The following LDLRAD4 variants were observed in gnomAD, a reference collection of about 807,000 sequenced individuals.
LDLRAD4 encodes low density lipoprotein receptor class A domain containing 4.
In LDLRAD4, 5 loss-of-function variants were observed where a neutral mutation model predicts 17.0. That is an observed-to-expected ratio of 0.29 (90% CI 0.15 to 0.62). The LOEUF is 0.62. LDLRAD4 is among the 20% of genes least tolerant of loss of function. The pLI is 0.84. For synonymous variants in LDLRAD4, 168 were observed against 171.8 expected (o/e 0.98, Z 0.17); for missense variants, 340 against 424.7 (o/e 0.80, Z 1.75).
At chr18:13,307,078 C>T (rs192056267) in intron 1 of LDLRAD4, among the ~76,000 whole-genome samples, 1 of 152,274 alleles carries the variant, frequency 6.6e-6, no homozygotes, top group East Asian at 1.9e-4. Context: ...GACATGAATC[C>T]GTCTATGAAG....
chr18:13,546,339 A>G (rs1408894691), intron 3 of LDLRAD4, among the ~76,000 whole-genome samples: 2 of 152,174 alleles, frequency 1.3e-5, no homozygotes, highest in East Asian at 3.9e-4. Context: ...GTGGCTCAAC[A>G]ATAAAAGATT....
intron 1 of LDLRAD4, among the ~76,000 whole-genome samples, chr18:13,247,047 C>T (rs1598882331): frequency 6.6e-6 from 1 of 151,968 alleles, no homozygotes; most frequent in African/African-American, 2.4e-5. Flanking sequence ...CTCTAGACCT[C>T]TACCTGTCAT....
At chr18:13,628,047 G>A (rs2041329226) in intron 4 of LDLRAD4, among the ~76,000 whole-genome samples, 1 of 152,212 alleles carries the variant, frequency 6.6e-6, no homozygotes, top group Non-Finnish European at 1.5e-5. Flanking sequence ...AAACCCACAG[G>A]CAGTGTCCTG....
intron 2 of LDLRAD4, chr18:13,420,420 G>A (rs1490445569): frequency 1.3e-5 from 2 of 152,132 alleles, no homozygotes; most frequent in Non-Finnish European, 2.9e-5. Flanking sequence ...AAATAACATC[G>A]CCACCAATAA....
chr18:13,283,869 G>C (rs2045441790), intron 1 of LDLRAD4, among the ~76,000 whole-genome samples: 1 of 152,184 alleles, frequency 6.6e-6, no homozygotes. Context: ...GGCTGGGGAG[G>C]CCTCAGAATC....
intron 2 of LDLRAD4, among the ~76,000 whole-genome samples, chr18:13,413,726 T>C (rs1156666313): frequency 6.6e-6 from 1 of 152,164 alleles, no homozygotes; most frequent in East Asian, 1.9e-4. Flanking sequence ...TGATTTGCAT[T>C]CTTTAGTAAG....
At chr18:13,287,130 C>T (rs1369275234) in intron 1 of LDLRAD4, among the ~76,000 whole-genome samples, 1 of 151,896 alleles carries the variant, frequency 6.6e-6, no homozygotes, top group African/African-American at 2.4e-5. Context: ...TGGTGTCACC[C>T]GCAACAGCAC....
intron 5 of LDLRAD4, 35 bp downstream of exon 6, chr18:13,643,447 C>CGGGG (rs71174176): frequency 1.3e-4 from 21 of 165,686 alleles, no homozygotes; most frequent in South Asian, 8.6e-4. Flanking sequence ...CTGCGGGGGG[C>CGGGG]GGGGGGGGTG....
chr18:13,486,912 T>G (rs1600739483), intron 3 of LDLRAD4: 1 of 152,240 alleles, frequency 6.6e-6, no homozygotes, highest in Non-Finnish European at 1.5e-5. Flanking sequence ...CCATTTCCAC[T>G]CCCGCTGGCA....
chr18:13,479,163 C>T (rs573182309), intron 3 of LDLRAD4, among the ~76,000 whole-genome samples: 31 of 152,226 alleles, frequency 2.0e-4, no homozygotes, highest in African/African-American at 7.2e-4. Flanking sequence ...AGACATAAAA[C>T]TTAAAACTCC....
At chr18:13,253,368 A>G (rs1005086086) in intron 1 of LDLRAD4, among the ~76,000 whole-genome samples, 2 of 152,054 alleles carry the variant, frequency 1.3e-5, no homozygotes, top group African/African-American at 4.8e-5. Flanking sequence ...GGTGTTGCTC[A>G]CTCTTTTTTA....
At position 13,644,895 on chromosome 18, in the gene LDLRAD4, A is replaced by T. The variant is rs1007052166; in HGVS notation, c.391-232A>T. On this transcript the variant is annotated intron_variant, in intron 5 of 5. Transcript: ENST00000359446. Reference sequence around the variant, plus strand: ...CATTACCCACAGCTCTCCATTGCTCAGCCCTCCTGGATGCGCTGGGATTTG... The same window carrying T: ...CATTACCCACAGCTCTCCATTGCTCTGCCCTCCTGGATGCGCTGGGATTTG... The T allele has an allele frequency of 7.5e-6, 4 of 533,760 alleles. No homozygotes were observed. In the African/African-American group the frequency reaches 7.7e-5, roughly 10 times the overall value. The allele number at this position is 533,760 out of a possible 1,614,324, so 33.1% of individuals were successfully genotyped here.
chr18:13,388,799 G>C (rs1051275723), intron 2 of LDLRAD4, among the ~76,000 whole-genome samples: 8 of 152,236 alleles, frequency 5.3e-5, no homozygotes, highest in African/African-American at 1.9e-4. Context: ...AGAACGAGGG[G>C]ACGGGTCTTC....
chr18:13,277,854 G>A (rs1261091859), upstream of LDLRAD4, among the ~76,000 whole-genome samples: 1 of 152,222 alleles, frequency 6.6e-6, no homozygotes, highest in Non-Finnish European at 1.5e-5. Flanking sequence ...TAACAGATGA[G>A]GACTCGGTGC....
At chr18:13,292,569 A>G (rs1490611344) in intron 1 of LDLRAD4, among the ~76,000 whole-genome samples, 3 of 152,204 alleles carry the variant, frequency 2.0e-5, no homozygotes, top group Non-Finnish European at 2.9e-5. Flanking sequence ...TCTCAGGCCC[A>G]GTTCTGTCAT....
intron 1 of LDLRAD4, among the ~76,000 whole-genome samples, chr18:13,385,075 T>C (rs2085693887): frequency 6.6e-6 from 1 of 152,240 alleles, no homozygotes; most frequent in South Asian, 2.1e-4. Context: ...TTTTCCGAAA[T>C]GGCTGTACCA....
chr18:13,241,648 T>TC (rs1334547909), intron 1 of LDLRAD4: 2 of 152,254 alleles, frequency 1.3e-5, no homozygotes, highest in South Asian at 2.1e-4. Flanking sequence ...TTCCAGCTCC[T>TC]CCTCCTGACT....
chr18:13,429,600 T>G lies in LDLRAD4; in HGVS notation c.41-8644T>G, dbSNP rs76270191. Among the ~76,000 whole-genome samples the G allele has an allele frequency of 3.0e-3, 461 of 152,362 alleles. 12 individuals are homozygous for G. In the East Asian group the frequency reaches 0.064, roughly 21 times the overall value. ...GATTTTATTTTTCAAAATCCCTGTC[T>G]TAAAAATTTATAGAATCACTGATCA... On this transcript the variant is annotated intron_variant, in intron 2 of 5. Coordinates refer to ENST00000359446, the Ensembl canonical transcript of LDLRAD4.
chr18:13,379,696 C>T (rs1409505925), intron 1 of LDLRAD4, among the ~76,000 whole-genome samples: 1 of 152,208 alleles, frequency 6.6e-6, no homozygotes, highest in African/African-American at 2.4e-5. Context: ...TGGGCCGGCA[C>T]AGGTGTCCCA....
Sources: gnomAD v4.1 joint callset for allele counts (sites outside exome capture counted in the v4.1 genomes callset) on GRCh38, gnomAD v4.1.1 for gene constraint, MANE v1.5 for transcripts, NCBI Gene and HGNC (gene_info 2026-07-23, HGNC 2026-07-21) for gene names.